Variants in ITGA9 observed in about 807,000 individuals in gnomAD.
ITGA9 encodes integrin subunit alpha 9, also known as integrin alpha-9.
ITGA9 carries 56 observed loss-of-function variants against 127.8 expected under a neutral mutation model. That is an observed-to-expected ratio of 0.44 (90% confidence interval 0.35 to 0.55). The LOEUF is 0.55. Ranked by LOEUF, ITGA9 falls within the 20% of genes least tolerant of loss-of-function variation. The pLI is 0.00. For synonymous variants in ITGA9, 508 were observed against 514.5 expected, an observed-to-expected ratio of 0.99 and a Z score of 0.17; for missense variants, 1,196 against 1,347.1, an observed-to-expected ratio of 0.89 and a Z score of 1.76.
chr3:37,742,402 C>A (rs1188544647), intron 21 of ITGA9, among the ~76,000 whole-genome samples: 1 of 152,174 alleles, frequency 6.6e-6, no homozygotes, highest in Non-Finnish European at 1.5e-5. Flanking sequence ...TGGGTCAAGT[C>A]CACGGTCATT....
At chr3:37,631,582 G>C (rs577544237) in intron 16 of ITGA9, among the ~76,000 whole-genome samples, 1 of 152,194 alleles carries the variant, frequency 6.6e-6, no homozygotes, top group Non-Finnish European at 1.5e-5. Context: ...CTAATAATAA[G>C]AGTCCAGTAA....
chr3:37,629,083 A>T lies in ITGA9; in HGVS notation c.1690-104A>T, dbSNP rs1216355427. 1.4e-5 allele frequency: 18 copies of T among 1,329,990 alleles called. No homozygotes were observed. Among genetic ancestry groups the T allele is most frequent in the Non-Finnish European group, 1.9e-5 (18 of 926,052 alleles). The allele number at this position is 1,329,990 out of a possible 1,614,324, so 82.4% of individuals were successfully genotyped here. A position where few individuals can be genotyped will look rare whatever the true frequency, so the allele number is the denominator to read the frequency against. ...CTACCTCACGAGGGTGATTGTGAGG[A>T]TTATATGAGGCAATTCATGTAGAAG... On this transcript the variant is annotated intron_variant, in intron 15 of 27. Coordinates refer to ENST00000264741, the MANE Select transcript of ITGA9 (RefSeq NM_002207.3). This position sits in a 1 kb window ranked among gnomAD's most constrained non-coding sequence, Gnocchi z 4.5.
Position 37,475,028 on chromosome 3 carries a change from G to A in ITGA9, c.420+1568G>A, listed in dbSNP as rs183372381. On this transcript the variant is annotated intron_variant, in intron 3 of 27. Coordinates refer to ENST00000264741, the MANE Select transcript of ITGA9 (RefSeq NM_002207.3). ...GGTGGGGGCCTCCCTCCTGGAAGCC[G>A]TTGTAGGTCCTGCACAGGCTCCCTG... Among the ~76,000 whole-genome samples, 946 of 152,362 alleles carry A rather than the reference G, an allele frequency of 6.2e-3. 30 individuals carry two copies. The highest frequency in any genetic ancestry group is 0.055 in the Admixed American group (839 of 15,302).
intron 17 of ITGA9, among the ~76,000 whole-genome samples, chr3:37,662,128 C>T (rs181728684): frequency 1.3e-5 from 2 of 152,058 alleles, no homozygotes; most frequent in Admixed American, 6.6e-5. Flanking sequence ...GGGGGCCAGG[C>T]GCAGTGGCTG....
At chr3:37,675,789 A>G (rs1700675904) in intron 17 of ITGA9, among the ~76,000 whole-genome samples, 5 of 143,838 alleles carry the variant, frequency 3.5e-5, no homozygotes, top group African/African-American at 1.3e-4. Context: ...CTTTTGCCAG[A>G]CTGGAGTGCA....
chr3:37,743,421 A>G (rs760551332), intron 21 of ITGA9, among the ~76,000 whole-genome samples: 1 of 152,234 alleles, frequency 6.6e-6, no homozygotes, highest in African/African-American at 2.4e-5. Flanking sequence ...AATCCAAGGG[A>G]AAATGCTATC....
chr3:37,493,443 C>T (rs1559519805), intron 4 of ITGA9, among the ~76,000 whole-genome samples: 1 of 152,198 alleles, frequency 6.6e-6, no homozygotes, highest in Non-Finnish European at 1.5e-5. Context: ...TGGAAGGTCT[C>T]CAGCAATGTC....
intron 15 of ITGA9, among the ~76,000 whole-genome samples, chr3:37,604,026 A>G (rs1305042950): frequency 2.0e-5 from 3 of 152,208 alleles, no homozygotes; most frequent in South Asian, 2.1e-4. Flanking sequence ...CAGGCTACCT[A>G]TTTTATCCAG....
At chr3:37,727,185 T>C (rs2125525894) in intron 18 of ITGA9, among the ~76,000 whole-genome samples, 1 of 152,348 alleles carries the variant, frequency 6.6e-6, no homozygotes, top group South Asian at 2.1e-4. Context: ...TGTACAGCTT[T>C]CTACCACTTT....
intron 13 of ITGA9, among the ~76,000 whole-genome samples, chr3:37,528,833 C>T (rs1320084338): frequency 6.6e-6 from 1 of 152,214 alleles, no homozygotes; most frequent in Non-Finnish European, 1.5e-5. Flanking sequence ...TTGACCACTG[C>T]ATACGCTGTG....
chr3:37,556,070 C>T (rs1333960253), intron 15 of ITGA9, among the ~76,000 whole-genome samples: 1 of 152,240 alleles, frequency 6.6e-6, no homozygotes, highest in African/African-American at 2.4e-5. Flanking sequence ...TGGAAAGATT[C>T]CCTTTCAACT....
chr3:37,755,907 A>C (rs1442049199), intron 23 of ITGA9, among the ~76,000 whole-genome samples: 1 of 152,184 alleles, frequency 6.6e-6, no homozygotes, highest in East Asian at 1.9e-4. Context: ...ACAATGTAGG[A>C]CATCCAAACC....
chr3:37,522,832 C>A (rs890210620), intron 11 of ITGA9, among the ~76,000 whole-genome samples: 1 of 151,966 alleles, frequency 6.6e-6, no homozygotes, highest in Non-Finnish European at 1.5e-5. Context: ...GTTGAGGGGG[C>A]TGTTTTCTAG....
chr3:37,469,434 C>T (rs967971817), intron 1 of ITGA9, among the ~76,000 whole-genome samples: 12 of 152,114 alleles, frequency 7.9e-5, no homozygotes, highest in African/African-American at 2.9e-4. Flanking sequence ...AGAGAAATAG[C>T]GTTTCTAAAT....
intron 15 of ITGA9, among the ~76,000 whole-genome samples, chr3:37,584,239 C>T (rs1284193153): frequency 6.6e-6 from 1 of 152,210 alleles, no homozygotes; most frequent in Admixed American, 6.5e-5. Context: ...GCAGGTTCTT[C>T]TCATGGTGAT....
chr3:37,736,421 C>T (rs1049960672), intron 19 of ITGA9, among the ~76,000 whole-genome samples: 53 of 152,228 alleles, frequency 3.5e-4, no homozygotes, highest in Non-Finnish European at 2.9e-5. Context: ...CAGAGTTCAG[C>T]ATTGCTCTGT....
chr3:37,546,426 T>C (rs186751438), intron 15 of ITGA9, among the ~76,000 whole-genome samples: 3 of 152,320 alleles, frequency 2.0e-5, no homozygotes, highest in Admixed American at 2.0e-4. Context: ...CTATGTGCCA[T>C]GGAAATCCAC....
intron 23 of ITGA9, among the ~76,000 whole-genome samples, chr3:37,758,355 T>TAAAAAAAAA (rs1295376188): frequency 2.5e-5 from 2 of 79,942 alleles, no homozygotes; most frequent in Non-Finnish European, 2.8e-5. Flanking sequence ...AAAAAAAAAT[T>TAAAAAAAAA]GCAAATTGAT....
chr3:37,732,836 C>G (rs114876272), intron 19 of ITGA9, 38 bp downstream of exon 19: 3 of 1,480,230 alleles, frequency 2.0e-6, no homozygotes, highest in Non-Finnish European at 2.8e-6. Context: ...CAGCAGCAGG[C>G]CCCCAGCCCT....
Sources: allele counts gnomAD v4.1 joint callset (sites outside exome capture counted in the v4.1 genomes callset), GRCh38; gene constraint gnomAD v4.1.1; non-coding constraint Gnocchi (gnomAD v3.1); transcripts MANE v1.5; gene names NCBI Gene and HGNC (gene_info 2026-07-23, HGNC 2026-07-21).